Variants in HS2ST1 observed in about 807,000 individuals in gnomAD.
HS2ST1 encodes heparan sulfate 2-O-sulfotransferase 1.
A neutral mutation model predicts 42.9 loss-of-function variants in HS2ST1; 18 were observed. The observed-to-expected ratio is 0.42, with a 90% CI of 0.29 to 0.62. HS2ST1 has a LOEUF of 0.62. HS2ST1 is among the 20% of genes least tolerant of loss of function. The pLI, the probability that HS2ST1 is intolerant of heterozygous loss-of-function variation, is 0.21. For synonymous variants in HS2ST1, 146 were observed against 152.9 expected (o/e 0.95, Z 0.33); for missense variants, 334 against 433.8 (o/e 0.77, Z 2.04).
At position 87,058,779 on chromosome 1, in the gene HS2ST1, T is replaced by C. The variant is rs557868689; in HGVS notation, c.125-14155T>C. ...TAATGTACATTTAAACATGAACCGTTGGCTGGGTGCGGTGGCTCACGACTG... is the reference window on the plus strand; with the variant it reads ...TAATGTACATTTAAACATGAACCGTCGGCTGGGTGCGGTGGCTCACGACTG... On this transcript the variant is annotated intron_variant, in intron 1 of 6. Transcript: ENST00000370550. Among the ~76,000 whole-genome samples, 3 of 151,710 alleles carry C rather than the reference T, an allele frequency of 2.0e-5. No individual in the cohort carries two copies. The East Asian group carries it at 5.8e-4, about 29-fold the overall frequency.
chr1:87,040,275 C>A (rs957358723), intron 1 of HS2ST1, among the ~76,000 whole-genome samples: 1 of 152,142 alleles, frequency 6.6e-6, no homozygotes, highest in Non-Finnish European at 1.5e-5. Context: ...CTGTCTCCCC[C>A]TCCCCGCTCC....
At chr1:86,931,075 A>G (rs911941897) in intron 1 of HS2ST1, among the ~76,000 whole-genome samples, 17 of 152,050 alleles carry the variant, frequency 1.1e-4, no homozygotes, top group East Asian at 9.6e-4. Context: ...TTTAGTTACA[A>G]TCTCACAAAA....
At chr1:86,971,533 A>AT (rs1345875474) in intron 1 of HS2ST1, among the ~76,000 whole-genome samples, 1 of 152,228 alleles carries the variant, frequency 6.6e-6, no homozygotes, top group Non-Finnish European at 1.5e-5. Flanking sequence ...GTCTAGTCTT[A>AT]TATCTAACAG....
At chr1:86,964,227 A>G (rs1185665783) in intron 1 of HS2ST1, among the ~76,000 whole-genome samples, 2 of 152,002 alleles carry the variant, frequency 1.3e-5, no homozygotes, top group Non-Finnish European at 2.9e-5. Context: ...CTCACTTCCC[A>G]GACGGGGTGG....
At chr1:87,044,119 G>A (rs1018747403) in intron 1 of HS2ST1, among the ~76,000 whole-genome samples, 4 of 151,912 alleles carry the variant, frequency 2.6e-5, no homozygotes, top group African/African-American at 9.7e-5. Flanking sequence ...TTGAAATGCG[G>A]CATTATTTTT....
At chr1:87,052,252 CA>C (rs984630661) in intron 1 of HS2ST1, among the ~76,000 whole-genome samples, 1 of 148,598 alleles carries the variant, frequency 6.7e-6, no homozygotes, top group Non-Finnish European at 1.5e-5. Flanking sequence ...GACCCTGTCT[CA>C]AAAAAAATTT....
At chr1:87,076,975 CT>C (rs1191590635) in intron 2 of HS2ST1, among the ~76,000 whole-genome samples, 1 of 152,170 alleles carries the variant, frequency 6.6e-6, no homozygotes, top group Non-Finnish European at 1.5e-5. Flanking sequence ...GTTGCAGATA[CT>C]TTTCAGAGCA....
intron 1 of HS2ST1, among the ~76,000 whole-genome samples, chr1:86,924,155 A>C (rs895738531): frequency 5.3e-5 from 8 of 152,228 alleles, no homozygotes; most frequent in African/African-American, 1.9e-4. Flanking sequence ...GGGCAGTGAA[A>C]TCTTAAACCT....
intron 6 of HS2ST1, 38 bp downstream of exon 6, chr1:87,103,627 G>A: frequency 6.9e-7 from 1 of 1,442,298 alleles, no homozygotes; most frequent in Non-Finnish European, 9.1e-7. Context: ...AGCTTTCTTT[G>A]GTTTGGTTTT....
At chr1:87,074,109 GA>G (rs1383457537) in intron 2 of HS2ST1, among the ~76,000 whole-genome samples, 6 of 152,312 alleles carry the variant, frequency 3.9e-5, no homozygotes, top group African/African-American at 1.4e-4. Flanking sequence ...TCTTGCTAGA[GA>G]GCTGTTTGTA....
chr1:87,096,109 C>A (rs1652061074), intron 4 of HS2ST1, among the ~76,000 whole-genome samples: 2 of 151,990 alleles, frequency 1.3e-5, no homozygotes, highest in African/African-American at 4.8e-5. Context: ...TCCAGCTTCA[C>A]ACAGATATAT....
chr1:87,052,876 C>T (rs556303879), intron 1 of HS2ST1, among the ~76,000 whole-genome samples: 30 of 152,196 alleles, frequency 2.0e-4, no homozygotes, highest in Admixed American at 3.3e-4. Flanking sequence ...TCTAGAACAC[C>T]GATTCTCAAA....
intron 1 of HS2ST1, among the ~76,000 whole-genome samples, chr1:87,010,961 T>A (rs571729629): frequency 6.6e-6 from 1 of 152,178 alleles, no homozygotes; most frequent in East Asian, 1.9e-4. Context: ...AACTTTTGTA[T>A]TTTTAGTAGA....
chr1:87,000,960 A>G (rs1365197544), intron 1 of HS2ST1, among the ~76,000 whole-genome samples: 1 of 152,134 alleles, frequency 6.6e-6, no homozygotes, highest in Non-Finnish European at 1.5e-5. Flanking sequence ...CCTGCAGTAT[A>G]TTGGTTTCCA....
intron 3 of HS2ST1, among the ~76,000 whole-genome samples, chr1:87,086,028 A>G (rs1434202241): frequency 6.6e-6 from 1 of 152,218 alleles, no homozygotes; most frequent in Non-Finnish European, 1.5e-5. Context: ...CCTAAACAAA[A>G]TCAGCCTAGG....
At chr1:87,049,805 A>G (rs373816962) in intron 1 of HS2ST1, among the ~76,000 whole-genome samples, 7 of 152,044 alleles carry the variant, frequency 4.6e-5, no homozygotes, top group African/African-American at 1.7e-4. Context: ...AATTTGCTGT[A>G]TCTTAGTGAT....
intron 1 of HS2ST1, among the ~76,000 whole-genome samples, chr1:87,038,971 T>C (rs371199151): frequency 6.6e-5 from 10 of 152,300 alleles, no homozygotes; most frequent in African/African-American, 2.4e-4. Flanking sequence ...TGTATACAAT[T>C]GAAAAGTATT....
chr1:87,045,667 C>A, intron 1 of HS2ST1: 1 of 774,748 alleles, frequency 1.3e-6, no homozygotes. Flanking sequence ...GTCAACCCAG[C>A]AATCACTGCA....
intron 1 of HS2ST1, among the ~76,000 whole-genome samples, chr1:87,057,862 AAG>A (rs570160730): frequency 1.3e-5 from 2 of 151,588 alleles, no homozygotes; most frequent in African/African-American, 2.4e-5. Context: ...AAAAAAGAAA[AAG>A]AGAGAGAAAA....
Sources: allele counts gnomAD v4.1 joint callset (sites outside exome capture counted in the v4.1 genomes callset), GRCh38; gene constraint gnomAD v4.1.1; transcripts MANE v1.5; gene names NCBI Gene and HGNC (gene_info 2026-07-23, HGNC 2026-07-21).